The following PLEKHB2 variants were observed in gnomAD, a reference collection of about 807,000 sequenced individuals.
PLEKHB2 encodes pleckstrin homology domain containing B2, also known as pleckstrin homology domain-containing family B member 2.
In PLEKHB2, 31 loss-of-function variants were observed where a neutral mutation model predicts 36.5. The ratio of observed to expected loss-of-function variants is 0.85; its 90% confidence interval spans 0.64 to 1.15. PLEKHB2 has a LOEUF of 1.15. Among genes scored for constraint, PLEKHB2 ranks in the 50% most tolerant of loss-of-function variants. The pLI, the probability that PLEKHB2 is intolerant of heterozygous loss-of-function variation, is 0.00. For missense variants in PLEKHB2, 262 were observed against 295.3 expected, an observed-to-expected ratio of 0.89 and a Z score of 0.83; for synonymous variants, 119 against 112.0, an observed-to-expected ratio of 1.06 and a Z score of -0.39.
chr2:131,134,043 GCGCCCGCCACCA>G (rs1697985202), intron 6 of PLEKHB2, among the ~76,000 whole-genome samples: 2 of 151,830 alleles, frequency 1.3e-5, no homozygotes, highest in Non-Finnish European at 2.9e-5. Context: ...GGGACTACAG[GCGCCCGCCACCA>G]CGCCCGGCTA....
At chr2:131,106,176 C>G (rs966062762) in intron 1 of PLEKHB2, among the ~76,000 whole-genome samples, 6 of 152,028 alleles carry the variant, frequency 3.9e-5, no homozygotes, top group Non-Finnish European at 8.8e-5. Context: ...CAAATGTAGA[C>G]CGGTTCAGGG....
chr2:131,139,177 G>A (rs906000532), intron 6 of PLEKHB2, among the ~76,000 whole-genome samples: 8 of 152,046 alleles, frequency 5.3e-5, no homozygotes, highest in Admixed American at 4.6e-4. Flanking sequence ...TGCACTGATC[G>A]GCACTTCCAG....
chr2:131,131,758 C>CTTTTTT (rs35889012), intron 5 of PLEKHB2, among the ~76,000 whole-genome samples: 1 of 139,148 alleles, frequency 7.2e-6, no homozygotes, highest in Non-Finnish European at 1.6e-5. Flanking sequence ...GAAAATCCCC[C>CTTTTTT]TTTTTTTTTT....
In PLEKHB2 at chr2:131,115,690, A is replaced by G. The variant is rs555578351; in HGVS notation, c.-8-5244A>G. 1.5e-4 allele frequency among the ~76,000 whole-genome samples: 23 copies of G among 152,194 alleles called. 1 individual carries two copies. The highest frequency in any genetic ancestry group is 1.4e-3 in the East Asian group (7 of 5,182). Reference sequence around the variant, plus strand: ...TTTCTTTAACACATTCTACTGTAATATATCTCATTTTAATCATCTTATACC... The same window carrying G: ...TTTCTTTAACACATTCTACTGTAATGTATCTCATTTTAATCATCTTATACC... On this transcript the variant is annotated intron_variant, in intron 1 of 7. Transcript: ENST00000693505.
At chr2:131,138,951 T>C (rs1333644315) in intron 6 of PLEKHB2, among the ~76,000 whole-genome samples, 1 of 152,202 alleles carries the variant, frequency 6.6e-6, no homozygotes, top group Non-Finnish European at 1.5e-5. Flanking sequence ...GACGGTGTTC[T>C]GAAGGCCCGG....
intron 2 of PLEKHB2, among the ~76,000 whole-genome samples, chr2:131,121,587 TCTAA>T (rs1696525316): frequency 6.6e-6 from 1 of 152,146 alleles, no homozygotes; most frequent in Non-Finnish European, 1.5e-5. Flanking sequence ...ACTGCCTGGA[TCTAA>T]CTGAGCCCAG....
At chr2:131,127,850 G>A (rs1697245535) in intron 4 of PLEKHB2, among the ~76,000 whole-genome samples, 1 of 152,160 alleles carries the variant, frequency 6.6e-6, no homozygotes, top group African/African-American at 2.4e-5. Context: ...AAAAGCTAGG[G>A]AAAAAATCCT....
Position 131,147,975 on chromosome 2 carries a change from G to C in PLEKHB2, c.*1202G>C, listed in dbSNP as rs979685630. ...GGAACAGTGAGGGAGTGGAAGGAGA[G>C]CCTTAGTTAGAGCGTTCCCATTTCT... On this transcript the variant is annotated 3_prime_UTR_variant, in exon 8 of 8. Coordinates refer to ENST00000693505, the MANE Select transcript of PLEKHB2 (RefSeq NM_001100623.2). 13 of 152,398 alleles carry C rather than the reference G, an allele frequency of 8.5e-5. No homozygotes were observed. Among genetic ancestry groups the C allele is most frequent in the African/African-American group, 3.1e-4 (13 of 41,432 alleles). 9.4% of individuals were successfully genotyped at this position (152,398 alleles called of 1,614,324 possible).
At chr2:131,144,063 G>A (rs868156941) in intron 7 of PLEKHB2, among the ~76,000 whole-genome samples, 5 of 152,308 alleles carry the variant, frequency 3.3e-5, no homozygotes, top group Middle Eastern at 6.8e-3. Flanking sequence ...CTGTGGAAGG[G>A]TCAAATGGGT....
chr2:131,119,481 C>G (rs1696243735), intron 1 of PLEKHB2, among the ~76,000 whole-genome samples: 1 of 152,176 alleles, frequency 6.6e-6, no homozygotes, highest in Non-Finnish European at 1.5e-5. Context: ...ACCCGCTCAG[C>G]AGTCCTCCGT....
At chr2:131,142,928 TG>T in intron 7 of PLEKHB2, among the ~76,000 whole-genome samples, 1 of 152,166 alleles carries the variant, frequency 6.6e-6, no homozygotes, top group East Asian at 1.9e-4. Context: ...CAACTCAGGA[TG>T]GTTTGACTTA....
chr2:131,120,449 A>G (rs969278159), intron 1 of PLEKHB2: 1 of 158,180 alleles, frequency 6.3e-6, no homozygotes, highest in Non-Finnish European at 1.4e-5. Context: ...TTAAATTTTT[A>G]TGGAGTTGAC....
At chr2:131,118,123 C>A (rs966230974) in intron 1 of PLEKHB2, among the ~76,000 whole-genome samples, 1 of 152,074 alleles carries the variant, frequency 6.6e-6, no homozygotes, top group African/African-American at 2.4e-5. Flanking sequence ...TCTGCTGTCT[C>A]TGCGTCAGCT....
chr2:131,138,710 T>A (rs917906836), intron 6 of PLEKHB2, among the ~76,000 whole-genome samples: 1 of 152,170 alleles, frequency 6.6e-6, no homozygotes, highest in Non-Finnish European at 1.5e-5. Context: ...GCTTCCCCCG[T>A]AGCCTCCACT....
intron 1 of PLEKHB2, among the ~76,000 whole-genome samples, chr2:131,107,274 G>C (rs909328809): frequency 3.3e-5 from 5 of 152,336 alleles, no homozygotes; most frequent in African/African-American, 1.2e-4. Context: ...TGCTTCCACA[G>C]TGGATCATGG....
Position 131,132,906 on chromosome 2 carries a change from A to G in PLEKHB2, c.338A>G (p.Tyr113Cys), listed in dbSNP as rs1224013309. Residue 113 changes from tyrosine (Y) to cysteine (C), a missense_variant, in exon 6 of 8, where the codon TAT becomes TGT. Coordinates refer to ENST00000693505, the MANE Select transcript of PLEKHB2 (RefSeq NM_001100623.2). ...ACCCTCTCCTGTCTCCCGCAGGCGT[A>G]TGTGGGCTCTGCAGTCATGACCGAT... is the stretch of plus-strand genomic sequence containing the variant. ...TLQDSRTNTA[Y>C]VGSAVMTDET... The G allele has an allele frequency of 6.9e-6, 11 of 1,601,608 alleles. No individual in the cohort carries two copies. In the Admixed American group the frequency reaches 1.8e-4, roughly 27 times the overall value.
chr2:131,108,774 A>G lies in PLEKHB2; in HGVS notation c.-9+3376A>G, dbSNP rs375740653. ...GCAAATTTTGGTAAGGGGGAAAATA[A>G]GTAATAGTAATAATAGTAGTAAATA... is the stretch of plus-strand genomic sequence containing the variant. On this transcript the variant is annotated intron_variant, in intron 1 of 7. Transcript: ENST00000693505. Among the ~76,000 whole-genome samples the G allele has an allele frequency of 3.9e-5, 6 of 152,374 alleles. No individual in the cohort carries two copies. The East Asian group carries it at 7.7e-4, about 20-fold the overall frequency.
intron 5 of PLEKHB2, among the ~76,000 whole-genome samples, chr2:131,132,701 T>C (rs1047461415): frequency 6.6e-6 from 1 of 152,202 alleles, no homozygotes; most frequent in Admixed American, 6.5e-5. Flanking sequence ...TGAGGACCAC[T>C]TTGCTCTTGC....
At chr2:131,106,699 T>C (rs1443577899) in intron 1 of PLEKHB2, among the ~76,000 whole-genome samples, 3 of 152,104 alleles carry the variant, frequency 2.0e-5, no homozygotes, top group African/African-American at 7.2e-5. Flanking sequence ...CTGGGCTTCC[T>C]TTGTGCCTGG....
Sources: gnomAD v4.1 joint callset for allele counts (sites outside exome capture counted in the v4.1 genomes callset) on GRCh38, gnomAD v4.1.1 for gene constraint, MANE v1.5 for transcripts, NCBI Gene and HGNC (gene_info 2026-07-23, HGNC 2026-07-21) for gene names.